NUP107: variants seen among roughly 807,000 people sequenced by gnomAD.
The protein encoded by NUP107 is nuclear pore complex protein Nup107.
In NUP107, 101 loss-of-function variants were observed where a neutral mutation model predicts 141.0. The observed-to-expected ratio is 0.72, with a 90% CI of 0.61 to 0.84. NUP107 has a LOEUF of 0.84. NUP107 is among the 40% of genes least tolerant of loss of function. The pLI, the probability that NUP107 is intolerant of heterozygous loss-of-function variation, is 0.00. For synonymous variants in NUP107, 319 were observed against 363.9 expected, an observed-to-expected ratio of 0.88 and a Z score of 1.41; for missense variants, 941 against 1,102.7, an observed-to-expected ratio of 0.85 and a Z score of 2.08.
intron 5 of NUP107, among the ~76,000 whole-genome samples, chr12:68,693,727 T>C (rs1020374042): frequency 1.3e-5 from 2 of 152,200 alleles, no homozygotes; most frequent in Middle Eastern, 3.2e-3. Flanking sequence ...TCACCTTGGT[T>C]CTCAGTCTGA....
At chr12:68,708,054 T>C (rs1222155223) in intron 8 of NUP107, among the ~76,000 whole-genome samples, 1 of 152,116 alleles carries the variant, frequency 6.6e-6, no homozygotes, top group Non-Finnish European at 1.5e-5. Flanking sequence ...TCAGGCCCAC[T>C]GCACTCCAGC....
In NUP107 at chr12:68,713,815, G is replaced by C; in HGVS notation, c.969+7G>C. 1 of 1,588,854 alleles carries C rather than the reference G, an allele frequency of 6.3e-7. No individual in the cohort carries two copies. The highest frequency in any genetic ancestry group is 8.5e-7 in the Non-Finnish European group (1 of 1,170,880). ...TCCGCTTGTCACTGAATTGGTAAAT[G>C]TTCTTTGAAATGAAAGTTGCCTTCA... On this transcript the variant is annotated splice_region_variant and intron_variant, in intron 11 of 27. Coordinates refer to ENST00000229179, the MANE Select transcript of NUP107 (RefSeq NM_020401.4).
intron 7 of NUP107, among the ~76,000 whole-genome samples, 159 bp downstream of exon 7, chr12:68,701,012 G>C (rs1272077408): frequency 6.6e-6 from 1 of 152,142 alleles, no homozygotes. Context: ...GAGTCAAGAG[G>C]GAAGAGGAAG....
rs551324372 is a variant in NUP107 at position 68,720,962 on chromosome 12, C to T, written c.1252-156C>T. 3.3e-5 allele frequency among the ~76,000 whole-genome samples: 5 copies of T among 152,228 alleles called. No individual in the cohort carries two copies. The South Asian group carries it at 1.0e-3, about 32-fold the overall frequency. On this transcript the variant is annotated intron_variant, in intron 14 of 27. Transcript: ENST00000229179. ...ATTATTTCATCACACTGAAGTTCTT[C>T]CTTGTTATTACCCCACTAGATCTTT... is the stretch of plus-strand genomic sequence containing the variant.
At chr12:68,687,324 G>A (rs1039913859) in intron 1 of NUP107, 8 of 723,552 alleles carry the variant, frequency 1.1e-5, no homozygotes, top group Non-Finnish European at 1.6e-5. Context: ...GGCGCTTTGG[G>A]GCAGCAACAC....
chr12:68,741,825 G>C lies in NUP107; in HGVS notation c.2515G>C (p.Asp839His). ...MVDVREDAKE[D>H]HERTHQMVLL... ...TGTCTGTTTGTAGGATGCCAAAGAAGACCATGAAAGAACACATCAAATGGT... is the reference window on the plus strand; with the variant it reads ...TGTCTGTTTGTAGGATGCCAAAGAACACCATGAAAGAACACATCAAATGGT... The change falls in exon 27 of 28, where the codon GAC (aspartate) becomes CAC (histidine). Residue 839 changes from aspartate to histidine, a missense_variant. Coordinates refer to ENST00000229179, the MANE Select transcript of NUP107 (RefSeq NM_020401.4). The C allele has an allele frequency of 1.2e-6, 2 of 1,609,862 alleles. No homozygotes were observed. Among genetic ancestry groups the C allele is most frequent in the South Asian group, 1.1e-5 (1 of 90,300 alleles).
rs1343904222 is a variant in NUP107 at position 68,709,324 on chromosome 12, T to A, written c.801+15T>A. On this transcript the variant is annotated intron_variant, in intron 9 of 27. Transcript: ENST00000229179. ...GACAAAGTCAGGTATGACTAGAATTTAAAATTTTTTTTTATGAAACATGGA... is the reference window on the plus strand; with the variant it reads ...GACAAAGTCAGGTATGACTAGAATTAAAAATTTTTTTTTATGAAACATGGA... 7 of 1,531,556 alleles carry A rather than the reference T, an allele frequency of 4.6e-6. No homozygotes were observed. Among genetic ancestry groups the A allele is most frequent in the Admixed American group, 2.1e-5 (1 of 48,704 alleles). The allele number at this position is 1,531,556 out of a possible 1,614,324, so 94.9% of individuals were successfully genotyped here. A position where few individuals can be genotyped will look rare whatever the true frequency, so the allele number is the denominator to read the frequency against.
rs772201759 is a variant in NUP107 at position 68,731,266 on chromosome 12, A to T, written c.1885+6A>T. The T allele has an allele frequency of 3.6e-5, 57 of 1,592,158 alleles. No homozygotes were observed. Among genetic ancestry groups the T allele is most frequent in the Non-Finnish European group, 4.3e-5 (50 of 1,172,676 alleles). ...GGAGTTGGCTAAAGAAGCAGGTAAA[A>T]ATGGTTGAAAACTTTGTCTTTTGGC... On this transcript the variant is annotated splice_donor_region_variant and intron_variant, in intron 21 of 27. Transcript: ENST00000229179.
chr12:68,703,737 C>T lies in NUP107; in HGVS notation c.729+953C>T, dbSNP rs113627221. ...GTGCTGGGATTACAGGTGTGAGCCA[C>T]TGTGCCCGGCTTATACTGAGAGTTT... On this transcript the variant is annotated intron_variant, in intron 8 of 27. Coordinates refer to ENST00000229179, the MANE Select transcript of NUP107 (RefSeq NM_020401.4). Among the ~76,000 whole-genome samples, 474 of 152,246 alleles carry T rather than the reference C, an allele frequency of 3.1e-3. 1 individual carries two copies. Among genetic ancestry groups the T allele is most frequent in the African/African-American group, 0.011 (461 of 41,530 alleles).
rs200680505 is a variant in NUP107 at position 68,690,594 on chromosome 12, G to A, written c.188-37G>A. ...CTTTGTTTTGATAATGAATGCTCAC[G>A]CACTTTAGGTTCTTTCTACCAACCT... On this transcript the variant is annotated intron_variant, in intron 3 of 27. Coordinates refer to ENST00000229179, the MANE Select transcript of NUP107 (RefSeq NM_020401.4). 1,263 of 1,613,074 alleles carry A rather than the reference G, an allele frequency of 7.8e-4. 1 individual carries two copies. Among genetic ancestry groups the A allele is most frequent in the Non-Finnish European group, 1.0e-3 (1,177 of 1,179,628 alleles).
At chr12:68,722,937 GA>G (rs1877415591) in intron 17 of NUP107, among the ~76,000 whole-genome samples, 1 of 152,084 alleles carries the variant, frequency 6.6e-6, no homozygotes, top group African/African-American at 2.4e-5. Context: ...GTTTCTTTGG[GA>G]TAAGTTTCCT....
chr12:68,736,756 C>G (rs1325310198), intron 26 of NUP107, among the ~76,000 whole-genome samples: 1 of 120,626 alleles, frequency 8.3e-6, no homozygotes, highest in African/African-American at 3.3e-5. Context: ...GAGTTTTGCT[C>G]TTGTCGCCCA....
intron 20 of NUP107, among the ~76,000 whole-genome samples, chr12:68,728,400 T>TG (rs1372429933): frequency 6.9e-6 from 1 of 145,416 alleles, no homozygotes; most frequent in Admixed American, 6.9e-5. Flanking sequence ...AAGACTAGCC[T>TG]GGGAAACAGC....
chr12:68,696,538 C>T (rs1289010565), intron 5 of NUP107, among the ~76,000 whole-genome samples: 2 of 151,884 alleles, frequency 1.3e-5, no homozygotes, highest in African/African-American at 4.8e-5. Flanking sequence ...TATGGTGAAA[C>T]CCCATCTCTA....
Position 68,710,003 on chromosome 12 carries a change from A to C in NUP107, c.802-2A>C. ...TAATTTATTTTTTTCTTTCTTTCTT[A>C]GCTGGTGGTAGATTGGTTAGAGAGT... On this transcript the variant is annotated splice_acceptor_variant, in intron 9 of 27. Coordinates refer to ENST00000229179, the MANE Select transcript of NUP107 (RefSeq NM_020401.4). LOFTEE classifies it high-confidence loss of function. The C allele has an allele frequency of 6.4e-7, 1 of 1,562,358 alleles. No individual in the cohort carries two copies. Among genetic ancestry groups the C allele is most frequent in the East Asian group, 2.3e-5 (1 of 44,380 alleles).
intron 10 of NUP107, 75 bp downstream of exon 10, chr12:68,710,168 C>G: frequency 3.8e-6 from 3 of 787,034 alleles, no homozygotes; most frequent in Non-Finnish European, 4.3e-6. Context: ...AAGTATTATT[C>G]AGTTTTTACT....
At chr12:68,687,155 C>A in intron 1 of NUP107, 82 bp downstream of exon 1, 1 of 1,583,768 alleles carries the variant, frequency 6.3e-7, no homozygotes, top group Non-Finnish European at 8.7e-7. Context: ...AACTAGACTC[C>A]CAGAAGAAGC....
chr12:68,702,785 G>A lies in NUP107; in HGVS notation c.729+1G>A. ...AGAGGAAAGTGTATTCGCAGTTACT[G>A]TAAGTTTTATATTAATTTTTTCTTT... On this transcript the variant is annotated splice_donor_variant, in intron 8 of 27. Coordinates refer to ENST00000229179, the MANE Select transcript of NUP107 (RefSeq NM_020401.4). LOFTEE classifies it high-confidence loss of function. 1 of 1,493,562 alleles carries A rather than the reference G, an allele frequency of 6.7e-7. No homozygotes were observed. The allele number at this position is 1,493,562 out of a possible 1,614,324, so 92.5% of individuals were successfully genotyped here. A position where few individuals can be genotyped will look rare whatever the true frequency, so the allele number is the denominator to read the frequency against.
intron 15 of NUP107, 131 bp from the exon 16 acceptor site, chr12:68,721,710 T>C (rs1325666528): frequency 1.1e-6 from 1 of 879,468 alleles, no homozygotes; most frequent in Non-Finnish European, 1.7e-6. Flanking sequence ...TTTGGCATAA[T>C]TTTTTTAAAA....
Sources: gnomAD v4.1 joint callset for allele counts (sites outside exome capture counted in the v4.1 genomes callset) on GRCh38, gnomAD v4.1.1 for gene constraint, MANE v1.5 for transcripts, NCBI Gene and HGNC (gene_info 2026-07-23, HGNC 2026-07-21) for gene names.